MBOAT1: variants seen among roughly 807,000 people sequenced by gnomAD.
The protein encoded by MBOAT1 is membrane-bound glycerophospholipid O-acyltransferase 1.
MBOAT1 carries 67 observed loss-of-function variants against 64.4 expected under a neutral mutation model. The observed-to-expected ratio is 1.04, with a 90% confidence interval of 0.85 to 1.27. The LOEUF (loss-of-function observed/expected upper bound fraction) is 1.27, where lower values mean the gene tolerates loss of function less well. MBOAT1 is among the 50% of genes most tolerant of loss of function. The pLI, the probability that MBOAT1 is intolerant of heterozygous loss-of-function variation, is 0.00. For synonymous variants in MBOAT1, 229 were observed against 218.9 expected (o/e 1.05, Z -0.41); for missense variants, 563 against 604.6 (o/e 0.93, Z 0.72).
At chr6:20,132,334 T>C (rs1322256048) in intron 4 of MBOAT1, among the ~76,000 whole-genome samples, 1 of 152,196 alleles carries the variant, frequency 6.6e-6, no homozygotes, top group Non-Finnish European at 1.5e-5. Flanking sequence ...TATGCTTTGT[T>C]CTATAAAAGG....
At chr6:20,194,020 A>T (rs969955580) in intron 1 of MBOAT1, among the ~76,000 whole-genome samples, 7 of 152,160 alleles carry the variant, frequency 4.6e-5, no homozygotes, top group Non-Finnish European at 7.3e-5. Context: ...ACTGCATATG[A>T]CCTTTCCATT....
At chr6:20,192,813 C>T (rs1335367668) in intron 1 of MBOAT1, among the ~76,000 whole-genome samples, 4 of 151,990 alleles carry the variant, frequency 2.6e-5, no homozygotes, top group South Asian at 2.1e-4. Flanking sequence ...CAAGGTCACA[C>T]GCTTAATAAA....
chr6:20,115,489 G>A (rs568097613), intron 9 of MBOAT1, 137 bp from the exon 10 acceptor site: 2 of 685,402 alleles, frequency 2.9e-6, no homozygotes, highest in African/African-American at 3.6e-5. Context: ...CAAGTCAGCT[G>A]TTCCATCCTA....
At chr6:20,177,728 C>T (rs867173670) in intron 1 of MBOAT1, among the ~76,000 whole-genome samples, 6 of 146,174 alleles carry the variant, frequency 4.1e-5, no homozygotes, top group Middle Eastern at 7.1e-3. Flanking sequence ...GAGCCGAGAT[C>T]GTGCCACTGT....
At chr6:20,126,179 A>G (rs1760643348) in intron 7 of MBOAT1, among the ~76,000 whole-genome samples, 1 of 152,090 alleles carries the variant, frequency 6.6e-6, no homozygotes, top group African/African-American at 2.4e-5. Flanking sequence ...ATGCCATATC[A>G]TCTTTTGGCT....
At chr6:20,120,640 G>C (rs1411357499) in intron 8 of MBOAT1, among the ~76,000 whole-genome samples, 1 of 149,366 alleles carries the variant, frequency 6.7e-6, no homozygotes, top group Non-Finnish European at 1.5e-5. Context: ...TTGCACACCA[G>C]CTGGGCAACA....
intron 9 of MBOAT1, among the ~76,000 whole-genome samples, chr6:20,116,314 A>G (rs1306534968): frequency 2.6e-5 from 4 of 152,062 alleles, no homozygotes; most frequent in Non-Finnish European, 4.4e-5. Flanking sequence ...CCTGGGCAAC[A>G]TGGCAAGACT....
chr6:20,173,484 G>T (rs80231251), intron 1 of MBOAT1, among the ~76,000 whole-genome samples: 32 of 152,276 alleles, frequency 2.1e-4, no homozygotes, highest in Non-Finnish European at 3.8e-4. Flanking sequence ...TATCAGAAAT[G>T]ATTAAAGCCT....
intron 11 of MBOAT1, among the ~76,000 whole-genome samples, chr6:20,111,888 A>ATACATATATATACG: frequency 1.4e-5 from 2 of 142,150 alleles, no homozygotes; most frequent in Admixed American, 7.2e-5. Context: ...ATGTATATAT[A>ATACATATATATACG]TATATTCCAG....
chr6:20,186,513 C>G (rs1317568563), intron 1 of MBOAT1, among the ~76,000 whole-genome samples: 1 of 152,180 alleles, frequency 6.6e-6, no homozygotes, highest in Non-Finnish European at 1.5e-5. Context: ...GGAGAAGAAA[C>G]TGTTGCCTTG....
At chr6:20,168,599 G>GAAGAGAAGAGA (rs1554120209) in intron 1 of MBOAT1, among the ~76,000 whole-genome samples, 4 of 84,720 alleles carry the variant, frequency 4.7e-5, no homozygotes, top group Non-Finnish European at 9.0e-5. Context: ...GGGAGAGAAA[G>GAAGAGAAGAGA]AGAGAAGAGA....
At chr6:20,102,873 ACGT>A (rs1232957639) in intron 12 of MBOAT1, among the ~76,000 whole-genome samples, 2 of 152,174 alleles carry the variant, frequency 1.3e-5, no homozygotes, top group Non-Finnish European at 2.9e-5. Context: ...TCACCTAGTG[ACGT>A]CGTAGCCATC....
chr6:20,199,456 G>A (rs9465654), intron 1 of MBOAT1, among the ~76,000 whole-genome samples: 36,888 of 152,026 alleles, frequency 0.24, 5,503 homozygotes, highest in African/African-American at 0.42. Flanking sequence ...GTAAAACTAA[G>A]TATGAAACTG....
intron 4 of MBOAT1, among the ~76,000 whole-genome samples, chr6:20,140,601 A>G (rs1340814536): frequency 1.3e-5 from 2 of 152,150 alleles, no homozygotes; most frequent in Non-Finnish European, 2.9e-5. Flanking sequence ...GCCCTTAGGT[A>G]TCGGAGCTCC....
intron 1 of MBOAT1, among the ~76,000 whole-genome samples, chr6:20,188,248 C>T (rs935537620): frequency 1.4e-4 from 22 of 152,180 alleles, no homozygotes; most frequent in African/African-American, 4.1e-4. Context: ...GCCTAATCAT[C>T]ATGGGAGACA....
chr6:20,157,809 T>C (rs1235438860), intron 1 of MBOAT1, among the ~76,000 whole-genome samples: 2 of 150,710 alleles, frequency 1.3e-5, no homozygotes, highest in African/African-American at 4.9e-5. Flanking sequence ...TGTATAACAG[T>C]TAACAGTAAT....
intron 1 of MBOAT1, among the ~76,000 whole-genome samples, chr6:20,161,373 A>G (rs944442146): frequency 6.6e-6 from 1 of 152,066 alleles, no homozygotes; most frequent in Admixed American, 6.6e-5. Flanking sequence ...CTGTAATAAG[A>G]ATAGAAATAA....
rs372739877 is a variant in MBOAT1 at position 20,167,779 on chromosome 6, G to A, written c.100-15010C>T. 1.9e-3 allele frequency among the ~76,000 whole-genome samples: 283 copies of A among 152,286 alleles called. 1 individual carries two copies. The Middle Eastern group carries it at 0.021, about 11-fold the overall frequency. ...TCTTCTTCTATAAAATAGGAACCAT[G>A]CAACTACTCTCACAGAATTAAGTGA... On this transcript the variant is annotated intron_variant, in intron 1 of 12. Transcript: ENST00000324607.
chr6:20,165,506 G>A (rs1350994118), intron 1 of MBOAT1, among the ~76,000 whole-genome samples: 1 of 152,146 alleles, frequency 6.6e-6, no homozygotes, highest in Non-Finnish European at 1.5e-5. Context: ...ACTTTGGGAG[G>A]CTGAGGCGGG....
Sources: allele counts gnomAD v4.1 joint callset (sites outside exome capture counted in the v4.1 genomes callset), GRCh38; gene constraint gnomAD v4.1.1; transcripts MANE v1.5; gene names NCBI Gene and HGNC (gene_info 2026-07-23, HGNC 2026-07-21).